The following CEACAM20 variants were observed in gnomAD, a reference collection of about 807,000 sequenced individuals.
CEACAM20 encodes cell adhesion molecule CEACAM20.
CEACAM20 carries 50 observed loss-of-function variants against 61.2 expected under a neutral mutation model. The ratio of observed to expected loss-of-function variants is 0.82; its 90% confidence interval spans 0.65 to 1.03. The LOEUF (loss-of-function observed/expected upper bound fraction) is 1.03, where lower values mean the gene tolerates loss of function less well. Among genes scored for constraint, CEACAM20 ranks in the 50% least tolerant of loss-of-function variants. The pLI, the probability that CEACAM20 is intolerant of heterozygous loss-of-function variation, is 0.00. For synonymous variants in CEACAM20, 282 were observed against 287.7 expected, an observed-to-expected ratio of 0.98 and a Z score of 0.20; for missense variants, 683 against 736.4, an observed-to-expected ratio of 0.93 and a Z score of 0.84.
chr19:44,524,060 G>C lies in CEACAM20; in HGVS notation c.398C>G (p.Ser133Ter), dbSNP rs1038653090. The C allele has an allele frequency of 6.4e-7, 1 of 1,571,416 alleles. No homozygotes were observed. Among genetic ancestry groups the C allele is most frequent in the African/African-American group, 1.3e-5 (1 of 74,278 alleles). The change falls in exon 3 of 12, where the codon TCA becomes TGA. Residue 133 changes from serine to a stop codon, truncating the protein, a stop_gained. Coordinates refer to ENST00000614924, the MANE Select transcript of CEACAM20 (RefSeq NM_001102597.3). LOFTEE classifies it high-confidence loss of function. ...TCGAGCTTCACATTGGTAAGTCCCT[G>C]AGTCCTCCCGCTGGACAATGAGAAT... ...LTILIVQRED[S>*]GTYQCEARDA...
Position 44,511,641 on chromosome 19 carries a change from T to A in CEACAM20, c.1607A>T (p.Tyr536Phe). Residue 536 changes from tyrosine to phenylalanine, a missense_variant, in exon 10 of 12, where the codon TAT becomes TTT. By Grantham distance (22) the Tyr-to-Phe change is conservative. Transcript: ENST00000614924. ...MQPPDLPEETYETKLPSASRR... is the reference protein window; with the variant it reads ...MQPPDLPEETFETKLPSASRR... ...AACCCAGCAGGGCCAATGTACCTCA[T>A]AGGTCTCCTCTGGAAGGTCTGGTGG... is the stretch of plus-strand genomic sequence containing the variant. 6.2e-7 allele frequency: 1 copy of A among 1,612,818 alleles called. No individual in the cohort carries two copies. Among genetic ancestry groups the A allele is most frequent in the Non-Finnish European group, 8.5e-7 (1 of 1,179,546 alleles).
At chr19:44,529,057 A>G (rs1457101367) in intron 1 of CEACAM20, among the ~76,000 whole-genome samples, 1 of 144,824 alleles carries the variant, frequency 6.9e-6, no homozygotes, top group African/African-American at 2.6e-5. Flanking sequence ...CTCCGAGTTC[A>G]AGGTTCAAGT....
intron 11 of CEACAM20, among the ~76,000 whole-genome samples, chr19:44,510,609 AAAAAGGAAGGAAG>A (rs1970962554): frequency 4.7e-5 from 3 of 63,654 alleles, no homozygotes; most frequent in African/African-American, 2.0e-4. Flanking sequence ...AGAAAGAAAG[AAAAAGGAAGGAAG>A]GAAGAAAGAA....
rs548747727 is a variant in CEACAM20, at chr19:44,517,049, A to G, written c.1206T>C (p.Ile402=). The part of the protein sequence containing the change: ...STGEHLGEQL[I]IRALTWEHDG... ...CGTGTTCCCAGGTCAGAGCCCTGAT[A>G]ATCAGCTGCTCACCCAGGTGCTCCC... is the stretch of plus-strand genomic sequence containing the variant. The change falls in exon 6 of 12, where the codon ATT becomes ATC. Residue 402 remains isoleucine, a synonymous_variant. Transcript: ENST00000614924. 1 of 1,603,612 alleles carries G rather than the reference A, an allele frequency of 6.2e-7. No individual in the cohort carries two copies. The highest frequency in any genetic ancestry group is 1.7e-5 in the Admixed American group (1 of 57,884).
chr19:44,513,161 C>T lies in CEACAM20; in HGVS notation c.1427+11G>A, dbSNP rs1385320426. Reference sequence around the variant, plus strand: ...CCCATCCCCATCCCCCTCCCTGTATCCCTGTGTTACCGTCTGGCATTTCTG... The same window carrying T: ...CCCATCCCCATCCCCCTCCCTGTATTCCTGTGTTACCGTCTGGCATTTCTG... On this transcript the variant is annotated intron_variant, in intron 7 of 11. Transcript: ENST00000614924. The T allele has an allele frequency of 6.3e-7, 1 of 1,595,774 alleles. No individual in the cohort carries two copies. Among genetic ancestry groups the T allele is most frequent in the Non-Finnish European group, 8.6e-7 (1 of 1,164,336 alleles).
chr19:44,523,395 A>T (rs12979443), intron 3 of CEACAM20, among the ~76,000 whole-genome samples: 82,094 of 151,804 alleles, frequency 0.54, 25,438 homozygotes, highest in African/African-American at 0.83. Flanking sequence ...GACAGCAGAG[A>T]GAAATCTTGT....
At chr19:44,527,694 T>C (rs1971569439) in intron 1 of CEACAM20, among the ~76,000 whole-genome samples, 1 of 152,094 alleles carries the variant, frequency 6.6e-6, no homozygotes, top group African/African-American at 2.4e-5. Flanking sequence ...ACTCTCAGCC[T>C]CCCAGGACTA....
At chr19:44,512,779 C>T in intron 8 of CEACAM20, 89 bp downstream of exon 8, 1 of 1,028,012 alleles carries the variant, frequency 9.7e-7, no homozygotes, top group Admixed American at 2.0e-5. Context: ...CATACAGTGA[C>T]CTGGTGGCAA....
intron 8 of CEACAM20, 57 bp downstream of exon 8, chr19:44,512,811 G>T: frequency 6.9e-7 from 1 of 1,446,210 alleles, no homozygotes; most frequent in Admixed American, 1.8e-5. Flanking sequence ...CCCAGCACCA[G>T]CCTCTTCCCC....
chr19:44,525,309 C>G, intron 1 of CEACAM20, 65 bp from the exon 2 acceptor site: 2 of 1,469,956 alleles, frequency 1.4e-6, no homozygotes, highest in South Asian at 1.4e-5. Context: ...CGGCTAAGGT[C>G]TTCAGAAGCA....
Position 44,516,941 on chromosome 19 carries a change from C to T in CEACAM20, c.1309+5G>A. 1.3e-6 allele frequency: 2 copies of T among 1,592,182 alleles called. No homozygotes were observed. The highest frequency in any genetic ancestry group is 2.3e-5 in the South Asian group (2 of 87,270). On this transcript the variant is annotated splice_donor_5th_base_variant and intron_variant, in intron 6 of 11. Transcript: ENST00000614924. ...CCTGGGAGAAGGCGACCCTGAGAGA[C>T]TCACCTACCACCTTGACCAGGACTG... is the stretch of plus-strand genomic sequence containing the variant.
chr19:44,529,353 T>TGC (rs1971640521), intron 1 of CEACAM20, 105 bp downstream of exon 1: 3 of 836,284 alleles, frequency 3.6e-6, no homozygotes, highest in East Asian at 2.8e-5. Context: ...TTTCCTCGAG[T>TGC]GCACACACAC....
In CEACAM20 at chr19:44,511,167, C is replaced by T. The variant is rs1469425074; in HGVS notation, c.1612-12G>A. 11 of 1,613,054 alleles carry T rather than the reference C, an allele frequency of 6.8e-6. No homozygotes were observed. Among genetic ancestry groups the T allele is most frequent in the Non-Finnish European group, 8.5e-6 (10 of 1,179,582 alleles). ...GAAGGCAGCTTCGTCTGCAAGTAAGCAGAGAAATTAGGCAGGGCCCACAGA... is the reference window on the plus strand; with the variant it reads ...GAAGGCAGCTTCGTCTGCAAGTAAGTAGAGAAATTAGGCAGGGCCCACAGA... On this transcript the variant is annotated splice_polypyrimidine_tract_variant and intron_variant, in intron 10 of 11. Coordinates refer to ENST00000614924, the MANE Select transcript of CEACAM20 (RefSeq NM_001102597.3).
chr19:44,515,599 G>A lies in CEACAM20; in HGVS notation c.1309+1347C>T, dbSNP rs530197079. Among the ~76,000 whole-genome samples, 11 of 152,262 alleles carry A rather than the reference G, an allele frequency of 7.2e-5. No individual in the cohort carries two copies. The South Asian group carries it at 2.3e-3, about 32-fold the overall frequency. ...TCACCTCAAAACTGGCTGACAGAGA[G>A]TACCCAAGAAGTGTTTGCTGATATT... On this transcript the variant is annotated intron_variant, in intron 6 of 11. Coordinates refer to ENST00000614924, the MANE Select transcript of CEACAM20 (RefSeq NM_001102597.3).
At chr19:44,528,916 T>G (rs1284942071) in intron 1 of CEACAM20, among the ~76,000 whole-genome samples, 1 of 151,726 alleles carries the variant, frequency 6.6e-6, no homozygotes, top group Non-Finnish European at 1.5e-5. Flanking sequence ...CTTCTATCTC[T>G]TTTGTATCTA....
In CEACAM20 at chr19:44,511,037, A is replaced by G; in HGVS notation, c.1730T>C (p.Ile577Thr). Reference sequence around the variant, plus strand: ...AGTGTGGCATAAACATACCTCATAGATTGACTCCATGTTTTTTGGCACAGT... The same window carrying G: ...AGTGTGGCATAAACATACCTCATAGGTTGACTCCATGTTTTTTGGCACAGT... ...VSTVPKNMES[I>T]YEELVNPEPN... The change falls in exon 11 of 12, where the codon ATC becomes ACC. Residue 577 changes from isoleucine to threonine, a missense_variant. By Grantham distance (89) the Ile-to-Thr change is moderately conservative. Coordinates refer to ENST00000614924, the MANE Select transcript of CEACAM20 (RefSeq NM_001102597.3). 6.2e-7 allele frequency: 1 copy of G among 1,613,942 alleles called. No individual in the cohort carries two copies. The highest frequency in any genetic ancestry group is 1.7e-5 in the Admixed American group (1 of 60,024).
chr19:44,525,032 G>A (rs1028174378), intron 2 of CEACAM20, 69 bp downstream of exon 2: 70 of 1,574,056 alleles, frequency 4.4e-5, no homozygotes, highest in East Asian at 3.8e-4. Flanking sequence ...GACTTTGGGC[G>A]TGAGGTTCGG....
At position 44,520,520 on chromosome 19, in the gene CEACAM20, G is replaced by T; in HGVS notation, c.984C>A (p.Asn328Lys). ...DTGPYACEVW[N>K]WGSRARSEPL... The stretch of plus-strand genomic sequence containing the variant: ...GCTCACTCCGGGCCCGGCTGCCCCA[G>T]TTCCAGACCTCACAGGCATAGGGCC... Residue 328 changes from asparagine (N) to lysine (K), a missense_variant, in exon 5 of 12, where the codon AAC becomes AAA. Physicochemically the swap from Asn to Lys is moderately conservative, Grantham distance 94. Transcript: ENST00000614924. The T allele has an allele frequency of 6.2e-7, 1 of 1,613,858 alleles. No individual in the cohort carries two copies. Among genetic ancestry groups the T allele is most frequent in the Non-Finnish European group, 8.5e-7 (1 of 1,179,892 alleles).
At chr19:44,509,289 G>A (rs1203290364) in intron 11 of CEACAM20, among the ~76,000 whole-genome samples, 1 of 151,438 alleles carries the variant, frequency 6.6e-6, no homozygotes, top group Non-Finnish European at 1.5e-5. Flanking sequence ...GAGAAGTGGA[G>A]AGGAAATTAG....
Sources: allele counts gnomAD v4.1 joint callset (sites outside exome capture counted in the v4.1 genomes callset), GRCh38; gene constraint gnomAD v4.1.1; transcripts MANE v1.5; gene names NCBI Gene and HGNC (gene_info 2026-07-23, HGNC 2026-07-21).